Variants in FKBP5 observed in about 807,000 individuals in gnomAD.
The protein encoded by FKBP5 is peptidyl-prolyl cis-trans isomerase FKBP5.
FKBP5 carries 23 observed loss-of-function variants against 50.5 expected under a neutral mutation model. That is an observed-to-expected ratio of 0.46 (90% CI 0.33 to 0.65). FKBP5 has a LOEUF of 0.65. Among genes scored for constraint, FKBP5 ranks in the 30% least tolerant of loss-of-function variants. The pLI is 0.02. For missense variants in FKBP5, 411 were observed against 553.1 expected (o/e 0.74, Z 2.58); for synonymous variants, 176 against 190.6 (o/e 0.92, Z 0.63).
At chr6:35,624,489 G>GA (rs1317038453) in intron 3 of FKBP5, among the ~76,000 whole-genome samples, 1 of 70,890 alleles carries the variant, frequency 1.4e-5, no homozygotes, top group Non-Finnish European at 3.3e-5. Context: ...TTTCAAAAAA[G>GA]AAAAAAAATT....
intron 5 of FKBP5, among the ~76,000 whole-genome samples, chr6:35,605,006 G>A (rs533926971): frequency 2.0e-5 from 3 of 152,092 alleles, no homozygotes; most frequent in East Asian, 1.9e-4. Flanking sequence ...GGATGGTCTC[G>A]ATTCCTGACC....
intron 1 of FKBP5, among the ~76,000 whole-genome samples, chr6:35,672,186 A>C (rs980984463): frequency 6.6e-6 from 1 of 152,116 alleles, no homozygotes; most frequent in Non-Finnish European, 1.5e-5. Context: ...CTCGCTTAAT[A>C]GCATAATTAG....
intron 5 of FKBP5, among the ~76,000 whole-genome samples, chr6:35,603,668 G>A (rs116782158): frequency 0.012 from 1,744 of 150,526 alleles, 31 homozygotes; most frequent in African/African-American, 0.038. Flanking sequence ...AACAACAACA[G>A]CAGCAGCAGC....
At chr6:35,608,320 T>C (rs191786981) in intron 5 of FKBP5, among the ~76,000 whole-genome samples, 1 of 150,694 alleles carries the variant, frequency 6.6e-6, no homozygotes. Context: ...ACAGACAATA[T>C]ATCCATGTAC....
At chr6:35,716,965 T>G (rs972368119) in intron 2 of FKBP5, among the ~76,000 whole-genome samples, 3 of 152,148 alleles carry the variant, frequency 2.0e-5, no homozygotes, top group African/African-American at 7.2e-5. Flanking sequence ...GGGAGGAGTG[T>G]GGCAGTGAGA....
At chr6:35,712,385 G>A (rs1275153408) in intron 2 of FKBP5, among the ~76,000 whole-genome samples, 4 of 152,244 alleles carry the variant, frequency 2.6e-5, no homozygotes, top group East Asian at 1.9e-4. Flanking sequence ...TGCAGAATGG[G>A]AGGTGTCAGG....
In FKBP5 at chr6:35,597,423, G is replaced by A. The variant is rs1189471117; in HGVS notation, c.509-19C>T. 4 of 1,609,032 alleles carry A rather than the reference G, an allele frequency of 2.5e-6. No individual in the cohort carries two copies. Among genetic ancestry groups the A allele is most frequent in the Non-Finnish European group, 3.4e-6 (4 of 1,178,282 alleles). On this transcript the variant is annotated intron_variant, in intron 5 of 10. Coordinates refer to ENST00000357266, the MANE Select transcript of FKBP5 (RefSeq NM_004117.4). ...AGGTGGACTGAGGGCAAGGAGACAG[G>A]AGAGTCAACAGAGCTGCTTCTTAGG...
chr6:35,606,310 C>T (rs1277380394), intron 5 of FKBP5, among the ~76,000 whole-genome samples: 1 of 151,992 alleles, frequency 6.6e-6, no homozygotes, highest in Non-Finnish European at 1.5e-5. Flanking sequence ...CAGAGAAATG[C>T]AAATCAAAAC....
chr6:35,695,355 TG>T (rs1766065808), intron 2 of FKBP5, among the ~76,000 whole-genome samples: 1 of 152,122 alleles, frequency 6.6e-6, no homozygotes, highest in Non-Finnish European at 1.5e-5. Flanking sequence ...TAGTAGAGAC[TG>T]GGTTTCACCA....
intron 2 of FKBP5, among the ~76,000 whole-genome samples, chr6:35,696,450 T>G (rs1766082759): frequency 6.7e-6 from 1 of 150,224 alleles, no homozygotes; most frequent in African/African-American, 2.5e-5. Context: ...TGTTGGAGGC[T>G]GCAGTAAACT....
intron 1 of FKBP5, among the ~76,000 whole-genome samples, chr6:35,688,333 G>A (rs1340493433): frequency 2.6e-5 from 4 of 152,144 alleles, no homozygotes; most frequent in Admixed American, 2.6e-4. Context: ...GGACCCGAAA[G>A]CGAAGTTTGG....
chr6:35,585,454 A>G, intron 8 of FKBP5: 2 of 985,342 alleles, frequency 2.0e-6, no homozygotes, highest in Non-Finnish European at 2.4e-6. Context: ...TCAGGCTGGA[A>G]AGAAACTTGG....
chr6:35,683,095 AGT>A (rs1297051166), intron 1 of FKBP5, among the ~76,000 whole-genome samples: 8 of 147,500 alleles, frequency 5.4e-5, no homozygotes, highest in African/African-American at 1.3e-4. Flanking sequence ...TAAAAAAAAA[AGT>A]GTGTGTGTAT....
At chr6:35,669,949 T>C (rs972271537) in intron 1 of FKBP5, among the ~76,000 whole-genome samples, 2 of 152,232 alleles carry the variant, frequency 1.3e-5, no homozygotes, top group Admixed American at 6.5e-5. Flanking sequence ...CTCAGATTAC[T>C]GGTATAAAGA....
chr6:35,675,497 G>A (rs903464126), intron 1 of FKBP5, among the ~76,000 whole-genome samples: 18 of 152,140 alleles, frequency 1.2e-4, no homozygotes, highest in African/African-American at 4.1e-4. Context: ...TTGAACCTGG[G>A]AGACAGAGGT....
chr6:35,697,462 G>A (rs532498542), intron 2 of FKBP5, among the ~76,000 whole-genome samples: 65 of 149,800 alleles, frequency 4.3e-4, no homozygotes, highest in Non-Finnish European at 6.8e-4. Flanking sequence ...CAGGAGAATC[G>A]CTTGAACCCA....
chr6:35,652,722 G>A (rs927347159), intron 1 of FKBP5, among the ~76,000 whole-genome samples: 14 of 152,186 alleles, frequency 9.2e-5, no homozygotes, highest in East Asian at 1.9e-4. Flanking sequence ...CTGTGATCTC[G>A]CCCTGCCTCC....
intron 3 of FKBP5, among the ~76,000 whole-genome samples, chr6:35,620,548 G>C (rs2150978129): frequency 6.7e-6 from 1 of 148,330 alleles, no homozygotes; most frequent in South Asian, 2.1e-4. Context: ...GGGCAACACA[G>C]CAAGACCTCA....
At chr6:35,611,089 G>A (rs1763478236) in intron 5 of FKBP5, among the ~76,000 whole-genome samples, 1 of 152,142 alleles carries the variant, frequency 6.6e-6, no homozygotes, top group Non-Finnish European at 1.5e-5. Context: ...GTGTACCTCT[G>A]CTTAAGTCCT....
Sources: gnomAD v4.1 joint callset for allele counts (sites outside exome capture counted in the v4.1 genomes callset) on GRCh38, gnomAD v4.1.1 for gene constraint, MANE v1.5 for transcripts, NCBI Gene and HGNC (gene_info 2026-07-23, HGNC 2026-07-21) for gene names.